The following ZBBX variants were observed in gnomAD, a reference collection of about 807,000 sequenced individuals.
ZBBX encodes zinc finger B-box domain containing, also known as zinc finger B-box domain-containing protein 1.
Under a neutral mutation model 108.5 loss-of-function variants are expected in ZBBX, and 101 were observed. The ratio of observed to expected loss-of-function variants is 0.93; its 90% CI spans 0.79 to 1.10. ZBBX has a LOEUF of 1.10. Among genes scored for constraint, ZBBX ranks in the 50% least tolerant of loss-of-function variants. The pLI, the probability that ZBBX is intolerant of heterozygous loss-of-function variation, is 0.00. For synonymous variants in ZBBX, 356 were observed against 323.4 expected (o/e 1.10, Z -1.08); for missense variants, 1,009 against 941.4 (o/e 1.07, Z -0.94).
intron 5 of ZBBX, 147 bp from the exon 6 acceptor site, chr3:167,366,123 T>A: frequency 2.0e-6 from 1 of 507,972 alleles, no homozygotes; most frequent in East Asian, 3.1e-5. Flanking sequence ...TAAATATCAA[T>A]AATGTCACAA....
At chr3:167,277,350 G>A (rs1245794590) in intron 20 of ZBBX, among the ~76,000 whole-genome samples, 4 of 152,110 alleles carry the variant, frequency 2.6e-5, no homozygotes, top group Non-Finnish European at 4.4e-5. Flanking sequence ...TATTCAGGAA[G>A]CCCATCTCAC....
rs987147619 is a variant in ZBBX at position 167,391,233 on chromosome 3, T to C, written c.-445-10828A>G. On this transcript the variant is annotated intron_variant, in intron 1 of 21. Transcript: ENST00000455345. ...TTGTCGAAGGCCTTTTCTGCGTCTA[T>C]TGACGTAATCATGTCGTTTTTGTTA... is the stretch of plus-strand genomic sequence containing the variant. Among the ~76,000 whole-genome samples, 6 of 152,164 alleles carry C rather than the reference T, an allele frequency of 3.9e-5. No individual in the cohort carries two copies. In the East Asian group the frequency reaches 1.2e-3, roughly 29 times the overall value.
chr3:167,293,511 C>A (rs1731088269), intron 18 of ZBBX, among the ~76,000 whole-genome samples: 1 of 152,166 alleles, frequency 6.6e-6, no homozygotes, highest in Non-Finnish European at 1.5e-5. Flanking sequence ...ATGCTAAAAT[C>A]TCTCAATAAA....
At chr3:167,330,217 C>G (rs2108375108) in intron 10 of ZBBX, among the ~76,000 whole-genome samples, 1 of 152,110 alleles carries the variant, frequency 6.6e-6, no homozygotes, top group Middle Eastern at 3.4e-3. Context: ...AAAAAAAATG[C>G]AGAGCAAACA....
chr3:167,248,913 G>A lies in ZBBX; in HGVS notation c.2255-6270C>T, dbSNP rs1722073561. The stretch of plus-strand genomic sequence containing the variant: ...AGTATCCATGGCCGGCACCTGCCAA[G>A]GTCATCGGGGCTCAGGGATAAGCAG... On this transcript the variant is annotated intron_variant, in intron 20 of 21. Coordinates refer to ENST00000675490, the MANE Select transcript of ZBBX (RefSeq NM_001199201.2). Among the ~76,000 whole-genome samples, 7 of 152,338 alleles carry A rather than the reference G, an allele frequency of 4.6e-5. No homozygotes were observed. In the South Asian group the frequency reaches 1.4e-3, roughly 32 times the overall value.
the ZBBX span, among the ~76,000 whole-genome samples, chr3:167,201,129 T>C: frequency 6.6e-6 from 1 of 152,094 alleles, no homozygotes; most frequent in East Asian, 1.9e-4. Context: ...AGGCCCAAGA[T>C]AGTTAATGAT....
At chr3:167,348,421 G>A (rs1742070447) in intron 9 of ZBBX, among the ~76,000 whole-genome samples, 1 of 76,094 alleles carries the variant, frequency 1.3e-5, no homozygotes, top group Non-Finnish European at 2.7e-5. Context: ...GAGAGAAAGA[G>A]AAGAGGGAGA....
chr3:167,388,839 CTTGT>C (rs1389204990), intron 1 of ZBBX, among the ~76,000 whole-genome samples: 2 of 151,976 alleles, frequency 1.3e-5, no homozygotes, highest in Non-Finnish European at 2.9e-5. Flanking sequence ...AAAGCACACC[CTTGT>C]TTGTTTATTT....
the ZBBX span, among the ~76,000 whole-genome samples, chr3:167,218,412 A>T: frequency 6.6e-6 from 1 of 152,288 alleles, no homozygotes; most frequent in South Asian, 2.1e-4. Context: ...AATAATAAAT[A>T]CAACCTTTCA....
At position 167,391,472 on chromosome 3, in the gene ZBBX, T is replaced by C. The variant is rs143127721; in HGVS notation, c.-445-11067A>G. Among the ~76,000 whole-genome samples the C allele has an allele frequency of 6.5e-4, 99 of 152,118 alleles. 1 individual carries two copies. The highest frequency in any genetic ancestry group is 2.2e-3 in the African/African-American group (93 of 41,528). On this transcript the variant is annotated intron_variant, in intron 1 of 21. Transcript: ENST00000455345. Reference sequence around the variant, plus strand: ...TTTTTTTGTTGTGTTTCTGCCAGGTTTTGGTATCAGGATGATGCTAGTCTC... The same window carrying C: ...TTTTTTTGTTGTGTTTCTGCCAGGTCTTGGTATCAGGATGATGCTAGTCTC...
the ZBBX span, among the ~76,000 whole-genome samples, chr3:167,181,098 G>A: frequency 6.6e-6 from 1 of 152,074 alleles, no homozygotes; most frequent in Admixed American, 6.6e-5. Context: ...AAAGGTATAG[G>A]TTCTGGAGGC....
chr3:167,209,800 A>G, the ZBBX span, among the ~76,000 whole-genome samples: 2 of 152,136 alleles, frequency 1.3e-5, no homozygotes, highest in African/African-American at 4.8e-5. Flanking sequence ...ACAGAATTCA[A>G]AATAGCTGGC....
At chr3:167,255,767 A>C (rs566222485) in intron 20 of ZBBX, among the ~76,000 whole-genome samples, 50 of 152,194 alleles carry the variant, frequency 3.3e-4, no homozygotes, top group Admixed American at 1.2e-3. Context: ...AAAAATTTGG[A>C]ACACATCTCC....
intron 18 of ZBBX, among the ~76,000 whole-genome samples, chr3:167,296,146 A>G (rs1011566587): frequency 8.5e-5 from 13 of 152,082 alleles, no homozygotes; most frequent in African/African-American, 3.1e-4. Flanking sequence ...AATGAAAGAA[A>G]AAAACACATA....
intron 18 of ZBBX, among the ~76,000 whole-genome samples, chr3:167,295,004 G>A (rs549839493): frequency 6.6e-6 from 1 of 152,004 alleles, no homozygotes; most frequent in Non-Finnish European, 1.5e-5. Context: ...ACCATCTTAC[G>A]CCAGTTAGAA....
intron 20 of ZBBX, among the ~76,000 whole-genome samples, chr3:167,257,407 T>C (rs1723713457): frequency 6.6e-6 from 1 of 152,134 alleles, no homozygotes; most frequent in Non-Finnish European, 1.5e-5. Context: ...TACTTCTTTA[T>C]CTTTTTTAAT....
At chr3:167,328,767 T>C (rs1157830982) in intron 10 of ZBBX, among the ~76,000 whole-genome samples, 1 of 152,154 alleles carries the variant, frequency 6.6e-6, no homozygotes, top group Non-Finnish European at 1.5e-5. Flanking sequence ...TATCTTTACA[T>C]AGCCATTCCC....
At chr3:167,329,960 T>C (rs1224028152) in intron 10 of ZBBX, among the ~76,000 whole-genome samples, 1 of 152,244 alleles carries the variant, frequency 6.6e-6, no homozygotes, top group Non-Finnish European at 1.5e-5. Flanking sequence ...TAATTTTTTA[T>C]CTAGGAGTTT....
intron 19 of ZBBX, among the ~76,000 whole-genome samples, chr3:167,283,647 G>T (rs1576887146): frequency 6.6e-6 from 1 of 152,116 alleles, no homozygotes; most frequent in Admixed American, 6.6e-5. Flanking sequence ...TTTTTGGGGG[G>T]TTTTGGGAGT....
Sources: allele counts gnomAD v4.1 joint callset (sites outside exome capture counted in the v4.1 genomes callset), GRCh38; gene constraint gnomAD v4.1.1; transcripts MANE v1.5; gene names NCBI Gene and HGNC (gene_info 2026-07-23, HGNC 2026-07-21).